The following EGFR variants were observed in gnomAD, a reference collection of about 807,000 sequenced individuals.
EGFR encodes the protein epidermal growth factor receptor.
A neutral mutation model predicts 143.0 loss-of-function variants in EGFR; 58 were observed. That is an observed-to-expected ratio of 0.41 (90% CI 0.33 to 0.50). The LOEUF is 0.50. Ranked by LOEUF, EGFR falls within the 20% of genes least tolerant of loss-of-function variation. The pLI, the probability that EGFR is intolerant of heterozygous loss-of-function variation, is 0.39. For missense variants in EGFR, 1,307 were observed against 1,579.0 expected, an observed-to-expected ratio of 0.83 and a Z score of 2.92; for synonymous variants, 613 against 594.4, an observed-to-expected ratio of 1.03 and a Z score of -0.45.
rs1347122786 is a variant in EGFR at position 55,098,899 on chromosome 7, AT to A, written c.89-43385del. Among the ~76,000 whole-genome samples, 13 of 152,294 alleles carry A rather than the reference AT, an allele frequency of 8.5e-5. No homozygotes were observed. In the East Asian group the frequency reaches 2.1e-3, roughly 25 times the overall value. ...GTCTGTGAGCTAATTAAGTGATTTG[AT>A]TCTGACTCCCCGAGTCTTCTGATTT... On this transcript the variant is annotated intron_variant, in intron 1 of 27. Transcript: ENST00000275493.
intron 1 of EGFR, among the ~76,000 whole-genome samples, chr7:55,073,277 C>T (rs1232836584): frequency 1.3e-5 from 2 of 152,210 alleles, no homozygotes; most frequent in East Asian, 3.8e-4. Flanking sequence ...GCCACGCTGC[C>T]TTGCACAAGT....
intron 1 of EGFR, among the ~76,000 whole-genome samples, chr7:55,124,628 C>A (rs993079772): frequency 6.6e-6 from 1 of 152,186 alleles, no homozygotes; most frequent in Non-Finnish European, 1.5e-5. Context: ...CTGGCTGATT[C>A]CAGCCAAGAT....
At position 55,061,649 on chromosome 7, in the gene EGFR, T is replaced by TGTGTGTGTGAGAGA. The variant is rs1432070752; in HGVS notation, c.88+42285_88+42286insTGTGTGTGAGAGAG. 9.8e-3 allele frequency among the ~76,000 whole-genome samples: 1,297 copies of TGTGTGTGTGAGAGA among 132,736 alleles called. 12 individuals are homozygous for TGTGTGTGTGAGAGA. The highest frequency in any genetic ancestry group is 0.022 in the African/African-American group (740 of 33,430). 87.1% of individuals were successfully genotyped at this position (132,736 alleles called of 152,430 possible). A position where few individuals can be genotyped will look rare whatever the true frequency, so the allele number is the denominator to read the frequency against. On this transcript the variant is annotated intron_variant, in intron 1 of 27. Coordinates refer to ENST00000275493, the MANE Select transcript of EGFR (RefSeq NM_005228.5). ...GTGTGTGTGTGTGTGTGTGTGTGTG[T>TGTGTGTGTGAGAGA]GAGAGAGAGAGAGAGAGAGAGAGAC... is the stretch of plus-strand genomic sequence containing the variant.
chr7:55,138,139 A>T (rs1446008232), intron 1 of EGFR, among the ~76,000 whole-genome samples: 1 of 152,212 alleles, frequency 6.6e-6, no homozygotes, highest in East Asian at 1.9e-4. Flanking sequence ...TGAATGTAGT[A>T]AAATGCTAAC....
At chr7:55,197,231 G>T (rs1481251076) in intron 22 of EGFR, among the ~76,000 whole-genome samples, 1 of 151,934 alleles carries the variant, frequency 6.6e-6, no homozygotes, top group African/African-American at 2.4e-5. Flanking sequence ...TCACTTTCCT[G>T]GTTTACTGTA....
At chr7:55,174,646 C>A (rs1177440075) in intron 18 of EGFR, 76 bp from the exon 19 acceptor site, 2 of 1,247,508 alleles carry the variant, frequency 1.6e-6, no homozygotes, top group Middle Eastern at 1.9e-4. Flanking sequence ...CTGGTAACAT[C>A]CACCCAGATC....
At chr7:55,049,446 C>T (rs555956123) in intron 1 of EGFR, among the ~76,000 whole-genome samples, 7 of 152,180 alleles carry the variant, frequency 4.6e-5, no homozygotes, top group Non-Finnish European at 1.0e-4. Flanking sequence ...AGGGTTAGGC[C>T]TAGGCTTTTC....
chr7:55,149,227 T>C (rs1177603167), intron 4 of EGFR, among the ~76,000 whole-genome samples: 1 of 152,134 alleles, frequency 6.6e-6, no homozygotes, highest in Non-Finnish European at 1.5e-5. Context: ...CTGATTGCCA[T>C]GAAGAGGGTT....
chr7:55,165,240 A>G, intron 14 of EGFR, 40 bp from the exon 15 acceptor site: 1 of 1,613,582 alleles, frequency 6.2e-7, no homozygotes, highest in East Asian at 2.2e-5. Context: ...AAGAGAAAAG[A>G]AAGAGACATG....
chr7:55,072,939 T>G (rs1017401302), intron 1 of EGFR, among the ~76,000 whole-genome samples: 2 of 152,220 alleles, frequency 1.3e-5, no homozygotes, highest in African/African-American at 4.8e-5. Context: ...CTGGAAAATT[T>G]CCTTATAATC....
intron 20 of EGFR, among the ~76,000 whole-genome samples, chr7:55,189,523 A>C (rs1787294314): frequency 6.6e-6 from 1 of 152,258 alleles, no homozygotes; most frequent in Non-Finnish European, 1.5e-5. Flanking sequence ...GGCAGAATGA[A>C]AGTTAGCAGT....
At chr7:55,124,531 A>G (rs1370567822) in intron 1 of EGFR, among the ~76,000 whole-genome samples, 1 of 152,188 alleles carries the variant, frequency 6.6e-6, no homozygotes, top group African/African-American at 2.4e-5. Flanking sequence ...GGATCTTAGG[A>G]TTTTCATGAA....
intron 20 of EGFR, among the ~76,000 whole-genome samples, chr7:55,189,919 G>A (rs765942627): frequency 4.6e-5 from 7 of 152,136 alleles, no homozygotes; most frequent in Non-Finnish European, 1.0e-4. Context: ...TCTCCCTTTC[G>A]AATGGGCAGG....
At chr7:55,040,694 C>G (rs942142202) in intron 1 of EGFR, among the ~76,000 whole-genome samples, 1 of 152,112 alleles carries the variant, frequency 6.6e-6, no homozygotes, top group Admixed American at 6.6e-5. Flanking sequence ...TGACAACATG[C>G]CTTTTTCCCA....
chr7:55,174,613 TC>T, intron 18 of EGFR, 108 bp from the exon 19 acceptor site: 1 of 944,764 alleles, frequency 1.1e-6, no homozygotes, highest in Non-Finnish European at 1.7e-6. Flanking sequence ...AGCCCCAGTG[TC>T]CCTCACCTTC....
chr7:55,122,582 A>T (rs184879480), intron 1 of EGFR, among the ~76,000 whole-genome samples: 1 of 152,198 alleles, frequency 6.6e-6, no homozygotes, highest in East Asian at 1.9e-4. Flanking sequence ...TCACTCTCTC[A>T]CAGATGTGCT....
intron 1 of EGFR, among the ~76,000 whole-genome samples, chr7:55,041,735 A>C (rs1787910390): frequency 6.6e-6 from 1 of 152,222 alleles, no homozygotes; most frequent in South Asian, 2.1e-4. Flanking sequence ...AAAAACAGTT[A>C]TGTCCAAAGG....
At chr7:55,124,313 G>A (rs1485821947) in intron 1 of EGFR, among the ~76,000 whole-genome samples, 1 of 152,114 alleles carries the variant, frequency 6.6e-6, no homozygotes, top group East Asian at 1.9e-4. Flanking sequence ...TTTTGGAGAG[G>A]TATTTTGGCC....
intron 22 of EGFR, among the ~76,000 whole-genome samples, chr7:55,193,375 T>TG (rs112119431): frequency 0.031 from 4,721 of 152,202 alleles, 231 homozygotes; most frequent in African/African-American, 0.11. Context: ...GGTCCGGCCC[T>TG]GGGGATTCTC....
Sources: allele counts gnomAD v4.1 joint callset (sites outside exome capture counted in the v4.1 genomes callset), GRCh38; gene constraint gnomAD v4.1.1; transcripts MANE v1.5; gene names NCBI Gene and HGNC (gene_info 2026-07-23, HGNC 2026-07-21).